SNX29: variants seen among roughly 807,000 people sequenced by gnomAD.
SNX29 encodes the protein sorting nexin 29, also known as sorting nexin-29.
A neutral mutation model predicts 102.1 loss-of-function variants in SNX29; 78 were observed. The ratio of observed to expected loss-of-function variants is 0.76; its 90% CI spans 0.64 to 0.92. SNX29 has a LOEUF of 0.92. Ranked by LOEUF, SNX29 falls within the 40% of genes least tolerant of loss-of-function variation. The pLI, the probability that SNX29 is intolerant of heterozygous loss-of-function variation, is 0.00. For synonymous variants in SNX29, 580 were observed against 414.5 expected, an observed-to-expected ratio of 1.40 and a Z score of -4.85; for missense variants, 1,280 against 1,061.7, an observed-to-expected ratio of 1.21 and a Z score of -2.86.
At chr16:12,554,129 G>T (rs936517366) in intron 20 of SNX29, among the ~76,000 whole-genome samples, 3 of 152,182 alleles carry the variant, frequency 2.0e-5, no homozygotes, top group African/African-American at 7.2e-5. Flanking sequence ...TGCCCAGCCT[G>T]GATGCTTTGC....
intron 16 of SNX29, among the ~76,000 whole-genome samples, chr16:12,367,821 G>A (rs371054079): frequency 3.9e-5 from 6 of 152,192 alleles, no homozygotes; most frequent in Admixed American, 6.5e-5. Context: ...CCGTCTTGAA[G>A]GAGATTATTT....
intron 18 of SNX29, among the ~76,000 whole-genome samples, chr16:12,417,413 G>A (rs1443348483): frequency 6.6e-6 from 1 of 152,158 alleles, no homozygotes; most frequent in Non-Finnish European, 1.5e-5. Context: ...TGAGGGCCAG[G>A]GGCAATGAGG....
Position 12,571,467 on chromosome 16 carries a change from C to G in SNX29, c.*2838C>G, listed in dbSNP as rs139104092. ...CAAACAACATCTGAGAACAGAAGCC[C>G]CCTCCCCTACTCAGAGAGGAACGAG... On this transcript the variant is annotated 3_prime_UTR_variant, in exon 21 of 21. Coordinates refer to ENST00000566228, the MANE Select transcript of SNX29 (RefSeq NM_032167.5). 6.3e-5 allele frequency: 16 copies of G among 253,372 alleles called. No individual in the cohort carries two copies. The highest frequency in any genetic ancestry group is 3.1e-4 in the African/African-American group (14 of 45,686). The allele number at this position is 253,372 out of a possible 1,614,324, so 15.7% of individuals were successfully genotyped here.
chr16:12,176,855 A>T (rs528704392), intron 13 of SNX29, among the ~76,000 whole-genome samples: 4 of 152,222 alleles, frequency 2.6e-5, no homozygotes, highest in African/African-American at 7.2e-5. Flanking sequence ...CAACCTGGGG[A>T]TACACATTTT....
intron 19 of SNX29, among the ~76,000 whole-genome samples, chr16:12,485,279 A>C (rs994631961): frequency 7.9e-5 from 12 of 152,164 alleles, no homozygotes; most frequent in African/African-American, 2.9e-4. Flanking sequence ...TAGCAGCATG[A>C]GGGCTTAGGT....
At chr16:12,384,244 G>A (rs558657040) in intron 16 of SNX29, among the ~76,000 whole-genome samples, 6 of 152,230 alleles carry the variant, frequency 3.9e-5, no homozygotes, top group East Asian at 1.9e-4. Flanking sequence ...CCCAGCAGTG[G>A]GATTGCTGGA....
intron 18 of SNX29, among the ~76,000 whole-genome samples, chr16:12,405,809 G>A (rs1014816674): frequency 2.0e-5 from 3 of 152,156 alleles, no homozygotes; most frequent in East Asian, 1.9e-4. Flanking sequence ...TGAGGCGGGT[G>A]GATCGCCTGA....
At chr16:12,218,909 G>T (rs984480321) in intron 14 of SNX29, among the ~76,000 whole-genome samples, 3 of 152,072 alleles carry the variant, frequency 2.0e-5, no homozygotes, top group Non-Finnish European at 2.9e-5. Context: ...CAAGTAGCTG[G>T]GACTAAAGGC....
At chr16:12,282,921 T>A (rs1286196074) in intron 15 of SNX29, among the ~76,000 whole-genome samples, 1 of 152,198 alleles carries the variant, frequency 6.6e-6, no homozygotes, top group Non-Finnish European at 1.5e-5. Flanking sequence ...CCTCTCAAAG[T>A]GCTGGGATTA....
intron 16 of SNX29, among the ~76,000 whole-genome samples, chr16:12,389,970 G>A (rs1356087044): frequency 6.6e-6 from 1 of 152,196 alleles, no homozygotes; most frequent in Non-Finnish European, 1.5e-5. Context: ...AGGTCTGAGT[G>A]TTTCACCAAT....
chr16:12,334,931 C>G (rs1043897488), intron 15 of SNX29, among the ~76,000 whole-genome samples: 1 of 60,102 alleles, frequency 1.7e-5, no homozygotes, highest in Admixed American at 2.4e-4. Flanking sequence ...TAAAAAGCAA[C>G]AGTCTTTCAA....
chr16:12,532,875 G>C (rs987334065), intron 20 of SNX29, among the ~76,000 whole-genome samples: 3 of 152,244 alleles, frequency 2.0e-5, no homozygotes, highest in Admixed American at 6.5e-5. Context: ...CTGCGTGAGA[G>C]AGCTGCAGAA....
chr16:12,541,875 T>G (rs2077357752), intron 20 of SNX29, among the ~76,000 whole-genome samples: 1 of 152,184 alleles, frequency 6.6e-6, no homozygotes, highest in South Asian at 2.1e-4. Context: ...CAGTCAATGC[T>G]TGATGAATGT....
At chr16:12,045,296 A>G (rs1465276245) in intron 5 of SNX29, among the ~76,000 whole-genome samples, 1 of 152,170 alleles carries the variant, frequency 6.6e-6, no homozygotes, top group Non-Finnish European at 1.5e-5. Flanking sequence ...TGTATCCCTG[A>G]CTTTGCTTTA....
At chr16:12,195,984 C>T (rs2076762835) in intron 13 of SNX29, among the ~76,000 whole-genome samples, 1 of 138,376 alleles carries the variant, frequency 7.2e-6, no homozygotes, top group Admixed American at 7.2e-5. Flanking sequence ...AGTTTCTTTT[C>T]CTTTTTTTTT....
intron 13 of SNX29, among the ~76,000 whole-genome samples, chr16:12,196,425 C>G (rs557854463): frequency 9.0e-4 from 137 of 152,216 alleles, no homozygotes; most frequent in Non-Finnish European, 1.4e-3. Context: ...GATTGAAAAG[C>G]ATATTTCCCA....
intron 15 of SNX29, among the ~76,000 whole-genome samples, chr16:12,342,665 G>C (rs1222659051): frequency 6.6e-6 from 1 of 152,196 alleles, no homozygotes; most frequent in Non-Finnish European, 1.5e-5. Flanking sequence ...ACGCTATCAT[G>C]TAAGAGCTCC....
intron 14 of SNX29, among the ~76,000 whole-genome samples, chr16:12,235,998 G>T (rs2077919994): frequency 6.6e-6 from 1 of 152,134 alleles, no homozygotes. Context: ...TAGGGTAGGG[G>T]ACGGAATAAA....
At chr16:12,017,017 C>A (rs1026811779) in intron 3 of SNX29, among the ~76,000 whole-genome samples, 8 of 151,836 alleles carry the variant, frequency 5.3e-5, no homozygotes, top group African/African-American at 1.9e-4. Context: ...GTGGTCTCAG[C>A]TACTTGGGAG....
Sources: allele counts gnomAD v4.1 joint callset (sites outside exome capture counted in the v4.1 genomes callset), GRCh38; gene constraint gnomAD v4.1.1; transcripts MANE v1.5; gene names NCBI Gene and HGNC (gene_info 2026-07-23, HGNC 2026-07-21).